The following PTPRD variants were observed in gnomAD, a reference collection of about 807,000 sequenced individuals.
PTPRD encodes the protein receptor-type tyrosine-protein phosphatase delta.
Under a neutral mutation model 214.5 loss-of-function variants are expected in PTPRD, and 34 were observed. The ratio of observed to expected loss-of-function variants is 0.16; its 90% CI spans 0.12 to 0.21. PTPRD has a LOEUF of 0.21. Among genes scored for constraint, PTPRD ranks in the 10% least tolerant of loss-of-function variants. The pLI, the probability that PTPRD is intolerant of heterozygous loss-of-function variation, is 1.00. For missense variants in PTPRD, 2,545 were observed against 2,398.7 expected (o/e 1.06, Z -1.27); for synonymous variants, 1,128 against 845.7 (o/e 1.33, Z -5.79).
intron 2 of PTPRD, among the ~76,000 whole-genome samples, chr9:10,344,538 TTAAAG>T (rs774183233): frequency 6.6e-6 from 1 of 152,186 alleles, no homozygotes; most frequent in Non-Finnish European, 1.5e-5. Context: ...CATACAAACT[TTAAAG>T]TAGTTTTTTT....
chr9:9,342,199 T>G (rs1167486406), intron 9 of PTPRD, among the ~76,000 whole-genome samples: 1 of 152,170 alleles, frequency 6.6e-6, no homozygotes. Flanking sequence ...TGACAGATGT[T>G]GTGGTCAAGT....
At chr9:8,728,996 A>G (rs1266043145) in intron 12 of PTPRD, among the ~76,000 whole-genome samples, 1 of 151,926 alleles carries the variant, frequency 6.6e-6, no homozygotes, top group Non-Finnish European at 1.5e-5. Context: ...TAAAAAATGT[A>G]TTTTTTTCCT....
chr9:8,780,035 A>G (rs79531997), intron 11 of PTPRD, among the ~76,000 whole-genome samples: 2,471 of 152,280 alleles, frequency 0.016, 61 homozygotes, highest in African/African-American at 0.057. Flanking sequence ...TAAAGTGTCA[A>G]ACATTCAAAG....
At chr9:10,372,700 A>C (rs12377493) in intron 2 of PTPRD, among the ~76,000 whole-genome samples, 3,670 of 152,024 alleles carry the variant, frequency 0.024, 74 homozygotes, top group Non-Finnish European at 0.035. Context: ...ATAACTTGTA[A>C]GTTCAGTCGC....
intron 10 of PTPRD, among the ~76,000 whole-genome samples, chr9:9,061,643 C>G (rs1160871165): frequency 6.6e-6 from 1 of 152,038 alleles, no homozygotes; most frequent in Non-Finnish European, 1.5e-5. Flanking sequence ...GGACATGTAG[C>G]CAGACTCCAT....
At chr9:8,714,273 T>C (rs1410300219) in intron 12 of PTPRD, among the ~76,000 whole-genome samples, 1 of 151,782 alleles carries the variant, frequency 6.6e-6, no homozygotes, top group Non-Finnish European at 1.5e-5. Flanking sequence ...ACAAATATAA[T>C]CATCTTTACC....
chr9:9,370,420 A>G (rs1440191548), intron 9 of PTPRD, among the ~76,000 whole-genome samples: 5 of 151,590 alleles, frequency 3.3e-5, no homozygotes, highest in Admixed American at 6.6e-5. Context: ...TTTGTCTGTT[A>G]TTGGTGTATA....
At chr9:10,577,098 ATT>A (rs35243668) in intron 2 of PTPRD, among the ~76,000 whole-genome samples, 4 of 151,054 alleles carry the variant, frequency 2.6e-5, no homozygotes, top group South Asian at 2.1e-4. Context: ...TAAAGCTGTA[ATT>A]TTTTTTTTAA....
intron 10 of PTPRD, among the ~76,000 whole-genome samples, chr9:9,162,280 G>A (rs566903060): frequency 6.6e-6 from 1 of 152,164 alleles, no homozygotes; most frequent in African/African-American, 2.4e-5. Context: ...TCTCAACAGT[G>A]CCTGAGAATC....
intron 6 of PTPRD, among the ~76,000 whole-genome samples, chr9:9,750,977 G>C (rs2098512366): frequency 6.6e-6 from 1 of 152,030 alleles, no homozygotes; most frequent in African/African-American, 2.4e-5. Context: ...ATCATCACTG[G>C]AGAAAGAAAT....
chr9:10,497,901 G>A (rs2042556600), intron 2 of PTPRD, among the ~76,000 whole-genome samples: 1 of 151,926 alleles, frequency 6.6e-6, no homozygotes, highest in African/African-American at 2.4e-5. Flanking sequence ...AAATGTGATA[G>A]GAGAACTTTT....
chr9:9,141,948 C>A (rs956467934), intron 10 of PTPRD, among the ~76,000 whole-genome samples: 2 of 152,118 alleles, frequency 1.3e-5, no homozygotes, highest in African/African-American at 4.8e-5. Context: ...TACCAGAGAG[C>A]AATAATAATG....
intron 9 of PTPRD, among the ~76,000 whole-genome samples, chr9:9,316,737 A>G (rs1415576622): frequency 2.0e-5 from 3 of 152,178 alleles, no homozygotes; most frequent in South Asian, 2.1e-4. Flanking sequence ...TAAAATAACG[A>G]TACATGAAAT....
intron 39 of PTPRD, among the ~76,000 whole-genome samples, chr9:8,350,798 GAACA>G (rs1427342140): frequency 4.6e-5 from 7 of 151,932 alleles, no homozygotes; most frequent in East Asian, 1.9e-4. Flanking sequence ...AAAAAAAATT[GAACA>G]AATTGTCATT....
intron 11 of PTPRD, among the ~76,000 whole-genome samples, chr9:8,777,278 G>C (rs1303349280): frequency 6.6e-6 from 1 of 151,912 alleles, no homozygotes; most frequent in Admixed American, 6.6e-5. Context: ...TGTTAAACTA[G>C]TATGCTTAAG....
intron 3 of PTPRD, among the ~76,000 whole-genome samples, chr9:10,035,141 A>G (rs2097154715): frequency 6.6e-6 from 1 of 152,104 alleles, no homozygotes; most frequent in Non-Finnish European, 1.5e-5. Context: ...AATAATAGCC[A>G]TTTTGACTAG....
At chr9:8,782,887 C>T (rs36083310) in intron 11 of PTPRD, among the ~76,000 whole-genome samples, 22,071 of 152,090 alleles carry the variant, frequency 0.15, 2,017 homozygotes, top group South Asian at 0.22. Context: ...TGAGCCACCA[C>T]GCCTGGCCTA....
intron 2 of PTPRD, among the ~76,000 whole-genome samples, chr9:10,598,214 T>C (rs1025485691): frequency 6.6e-6 from 1 of 151,840 alleles, no homozygotes; most frequent in South Asian, 2.1e-4. Context: ...TCCTTAGATA[T>C]TACTCCGAAC....
chr9:8,507,214 G>C lies in PTPRD; in HGVS notation c.1677+87C>G, dbSNP rs571339240. ...CCATCAAGGTCCTCAATAGCTCTCT[G>C]ACCAAGAATGTGGATAAATACACAA... On this transcript the variant is annotated intron_variant, in intron 22 of 45. Transcript: ENST00000381196. 3.6e-5 allele frequency: 53 copies of C among 1,473,646 alleles called. No individual in the cohort carries two copies. The South Asian group carries it at 6.5e-4, about 18-fold the overall frequency. The allele number at this position is 1,473,646 out of a possible 1,614,324, so 91.3% of individuals were successfully genotyped here. A position where few individuals can be genotyped will look rare whatever the true frequency, so the allele number is the denominator to read the frequency against.
Sources: allele counts gnomAD v4.1 joint callset (sites outside exome capture counted in the v4.1 genomes callset), GRCh38; gene constraint gnomAD v4.1.1; transcripts MANE v1.5; gene names NCBI Gene and HGNC (gene_info 2026-07-23, HGNC 2026-07-21).